Variants in CSMD1 observed in about 807,000 individuals in gnomAD.
The protein encoded by CSMD1 is CUB and sushi domain-containing protein 1.
CSMD1 carries 213 observed loss-of-function variants against 417.5 expected under a neutral mutation model. That is an observed-to-expected ratio of 0.51 (90% CI 0.46 to 0.57). The LOEUF (loss-of-function observed/expected upper bound fraction) is 0.57. Among genes scored for constraint, CSMD1 ranks in the 20% least tolerant of loss-of-function variants. The pLI is 0.00. For missense variants in CSMD1, 6,923 were observed against 4,529.7 expected (o/e 1.53, Z -15.17); for synonymous variants, 2,862 against 1,736.8 (o/e 1.65, Z -16.11).
chr8:4,142,597 T>C (rs1803856806), intron 3 of CSMD1, among the ~76,000 whole-genome samples: 1 of 151,236 alleles, frequency 6.6e-6, no homozygotes, highest in African/African-American at 2.5e-5. Flanking sequence ...TTTTTTTCAA[T>C]TGCTAGCTTA....
chr8:4,639,122 A>G (rs1803036220), intron 1 of CSMD1, among the ~76,000 whole-genome samples: 1 of 151,544 alleles, frequency 6.6e-6, no homozygotes, highest in East Asian at 1.9e-4. Context: ...CATTTCCGCT[A>G]CTCCTGATCT....
intron 3 of CSMD1, among the ~76,000 whole-genome samples, chr8:4,300,309 G>A (rs1423344304): frequency 6.6e-6 from 1 of 152,164 alleles, no homozygotes; most frequent in East Asian, 1.9e-4. Flanking sequence ...AAATATGAGG[G>A]GACCTCAAAA....
chr8:3,171,092 G>A (rs945508952), intron 37 of CSMD1, among the ~76,000 whole-genome samples: 3 of 152,184 alleles, frequency 2.0e-5, no homozygotes, highest in African/African-American at 7.2e-5. Flanking sequence ...TATGATTATA[G>A]TTCATGAGAA....
At chr8:4,614,422 C>A (rs754255925) in intron 2 of CSMD1, among the ~76,000 whole-genome samples, 1 of 152,110 alleles carries the variant, frequency 6.6e-6, no homozygotes, top group Admixed American at 6.6e-5. Context: ...AAATCCAGCA[C>A]CTAAATAAGC....
At chr8:4,933,488 G>C (rs1047801356) in intron 1 of CSMD1, among the ~76,000 whole-genome samples, 1 of 152,172 alleles carries the variant, frequency 6.6e-6, no homozygotes, top group African/African-American at 2.4e-5. Flanking sequence ...CAGTGCAGAA[G>C]GTAAGTAAAT....
intron 1 of CSMD1, among the ~76,000 whole-genome samples, chr8:4,711,100 A>G (rs1422093190): frequency 1.3e-5 from 2 of 151,990 alleles, no homozygotes; most frequent in African/African-American, 4.8e-5. Flanking sequence ...TTATGTAAAT[A>G]GCAAATTATT....
chr8:3,044,435 A>G (rs1811303178), intron 50 of CSMD1, among the ~76,000 whole-genome samples: 1 of 152,308 alleles, frequency 6.6e-6, no homozygotes, highest in Admixed American at 6.5e-5. Context: ...GAAATAAACA[A>G]TTTAGTTTTT....
intron 3 of CSMD1, among the ~76,000 whole-genome samples, chr8:4,053,983 A>G (rs929675116): frequency 6.6e-6 from 1 of 152,206 alleles, no homozygotes; most frequent in Admixed American, 6.6e-5. Context: ...TATATAAGGA[A>G]GTTAAGAACC....
At chr8:3,797,359 G>C (rs1800214005) in intron 5 of CSMD1, among the ~76,000 whole-genome samples, 1 of 152,028 alleles carries the variant, frequency 6.6e-6, no homozygotes, top group African/African-American at 2.4e-5. Flanking sequence ...CACAAGTAGA[G>C]CCCACACCCC....
At chr8:3,483,480 T>C (rs1416118847) in intron 11 of CSMD1, among the ~76,000 whole-genome samples, 1 of 152,054 alleles carries the variant, frequency 6.6e-6, no homozygotes, top group Non-Finnish European at 1.5e-5. Context: ...AAATTAATGG[T>C]ATAACATGTT....
chr8:4,978,901 G>A (rs995882224), intron 1 of CSMD1, among the ~76,000 whole-genome samples: 9 of 152,184 alleles, frequency 5.9e-5, no homozygotes, highest in Admixed American at 2.6e-4. Flanking sequence ...TTGTGCCACT[G>A]CACTCCAGCC....
At chr8:4,372,049 G>C (rs754860245) in intron 3 of CSMD1, among the ~76,000 whole-genome samples, 10 of 152,072 alleles carry the variant, frequency 6.6e-5, no homozygotes, top group Middle Eastern at 3.2e-3. Context: ...GCAAGGTCTG[G>C]GGTGAACATG....
At chr8:2,957,301 GAAT>G (rs1207092508) in intron 63 of CSMD1, among the ~76,000 whole-genome samples, 1 of 152,168 alleles carries the variant, frequency 6.6e-6, no homozygotes, top group Non-Finnish European at 1.5e-5. Flanking sequence ...TATCCTAGGA[GAAT>G]AATAGCACGT....
At chr8:4,279,175 T>C (rs1426678692) in intron 3 of CSMD1, among the ~76,000 whole-genome samples, 2 of 152,114 alleles carry the variant, frequency 1.3e-5, no homozygotes, top group Non-Finnish European at 2.9e-5. Context: ...ATGCCAAGCT[T>C]CGTCTGTCTC....
chr8:3,868,881 A>G (rs1397896439), intron 5 of CSMD1, among the ~76,000 whole-genome samples: 1 of 152,120 alleles, frequency 6.6e-6, no homozygotes, highest in African/African-American at 2.4e-5. Flanking sequence ...TCGTCTTCTA[A>G]TTGGTGTGCT....
chr8:3,080,792 T>C (rs1814033946), intron 49 of CSMD1, among the ~76,000 whole-genome samples: 1 of 152,226 alleles, frequency 6.6e-6, no homozygotes, highest in Non-Finnish European at 1.5e-5. Flanking sequence ...CTATTTTACA[T>C]GGCAGAAAGT....
chr8:3,785,068 A>G (rs577495496), intron 5 of CSMD1, among the ~76,000 whole-genome samples: 91 of 152,294 alleles, frequency 6.0e-4, no homozygotes, highest in African/African-American at 2.0e-3. Context: ...ACCCCTCAAT[A>G]GCATAGTGGA....
At chr8:3,144,389 TA>T (rs113098797) in intron 40 of CSMD1, among the ~76,000 whole-genome samples, 4 of 151,712 alleles carry the variant, frequency 2.6e-5, no homozygotes, top group Non-Finnish European at 4.4e-5. Context: ...GAGGATGAAT[TA>T]AAAAAAATAG....
intron 18 of CSMD1, chr8:3,373,225 C>T (rs532875973): frequency 1.3e-5 from 2 of 152,186 alleles, no homozygotes; most frequent in South Asian, 2.1e-4. Context: ...GGAAAAGTTA[C>T]TTGATCATTT....
Sources: gnomAD v4.1 joint callset for allele counts (sites outside exome capture counted in the v4.1 genomes callset) on GRCh38, gnomAD v4.1.1 for gene constraint, MANE v1.5 for transcripts, NCBI Gene and HGNC (gene_info 2026-07-23, HGNC 2026-07-21) for gene names.